The following RBFOX1 variants were observed in gnomAD, a reference collection of about 807,000 sequenced individuals.
RBFOX1 encodes the protein RNA binding protein fox-1 homolog 1.
A neutral mutation model predicts 57.7 loss-of-function variants in RBFOX1; 8 were observed. The ratio of observed to expected loss-of-function variants is 0.14; its 90% CI spans 0.08 to 0.25. The LOEUF (loss-of-function observed/expected upper bound fraction) is 0.25. Ranked by LOEUF, RBFOX1 falls within the 10% of genes least tolerant of loss-of-function variation. The pLI, the probability that RBFOX1 is intolerant of heterozygous loss-of-function variation, is 1.00. For synonymous variants in RBFOX1, 326 were observed against 222.4 expected (o/e 1.47, Z -4.15); for missense variants, 611 against 548.5 (o/e 1.11, Z -1.14).
chr16:6,991,240 C>T (rs968458628), intron 3 of RBFOX1, among the ~76,000 whole-genome samples: 2 of 151,112 alleles, frequency 1.3e-5, no homozygotes, highest in Non-Finnish European at 2.9e-5. Flanking sequence ...GCAGAGGTTG[C>T]AGTGAGTTGA....
At chr16:6,106,148 CTTCT>C (rs2096375621) in intron 1 of RBFOX1, among the ~76,000 whole-genome samples, 1 of 152,090 alleles carries the variant, frequency 6.6e-6, no homozygotes, top group African/African-American at 2.4e-5. Context: ...TCTGTATTGA[CTTCT>C]TTATCAAGAA....
chr16:5,592,863 G>T (rs536756694), intron 2 of RBFOX1, among the ~76,000 whole-genome samples: 1 of 152,262 alleles, frequency 6.6e-6, no homozygotes, highest in African/African-American at 2.4e-5. Context: ...ACACTTTAGG[G>T]TTCCGTGGGC....
intron 5 of RBFOX1, among the ~76,000 whole-genome samples, chr16:7,553,614 T>C (rs551476876): frequency 6.6e-6 from 1 of 152,194 alleles, no homozygotes; most frequent in African/African-American, 2.4e-5. Context: ...GATCTGCAAG[T>C]GGCCAGTGCA....
chr16:7,528,163 G>T (rs1318287887), intron 5 of RBFOX1, among the ~76,000 whole-genome samples: 1 of 152,166 alleles, frequency 6.6e-6, no homozygotes, highest in South Asian at 2.1e-4. Flanking sequence ...ATATTCTAAG[G>T]GTTTGATTTA....
intron 4 of RBFOX1, among the ~76,000 whole-genome samples, chr16:7,492,598 C>A (rs905163039): frequency 2.0e-5 from 3 of 152,192 alleles, no homozygotes; most frequent in Non-Finnish European, 4.4e-5. Flanking sequence ...ATCTAAATCT[C>A]ATGTCAAATT....
At chr16:6,182,585 C>A (rs528844353) in intron 1 of RBFOX1, among the ~76,000 whole-genome samples, 13 of 151,952 alleles carry the variant, frequency 8.6e-5, no homozygotes, top group Admixed American at 5.2e-4. Flanking sequence ...ATTTACTTAC[C>A]CCTTCCTCCT....
chr16:6,022,722 T>A (rs2152359407), intron 1 of RBFOX1, among the ~76,000 whole-genome samples: 1 of 152,168 alleles, frequency 6.6e-6, no homozygotes, highest in Non-Finnish European at 1.5e-5. Context: ...AAAAAACAAT[T>A]TGTGATAGTA....
At chr16:7,268,895 A>G (rs1486788895) in intron 4 of RBFOX1, among the ~76,000 whole-genome samples, 1 of 151,738 alleles carries the variant, frequency 6.6e-6, no homozygotes, top group Admixed American at 6.6e-5. Context: ...AAATTAGCCA[A>G]GCGTGGTGGC....
intron 7 of RBFOX1, among the ~76,000 whole-genome samples, chr16:7,590,821 TG>T (rs1199806112): frequency 6.8e-5 from 10 of 147,074 alleles, no homozygotes; most frequent in African/African-American, 2.5e-4. Context: ...ATCAAGACAT[TG>T]CATTCCAGCC....
chr16:5,553,606 C>T (rs9923498), intron 2 of RBFOX1, among the ~76,000 whole-genome samples: 47,287 of 150,956 alleles, frequency 0.31, 8,409 homozygotes, highest in East Asian at 0.73. Context: ...TGAGCCACCA[C>T]GCCCAGCCAT....
chr16:7,155,404 C>T (rs973754340), intron 4 of RBFOX1, among the ~76,000 whole-genome samples: 69 of 151,704 alleles, frequency 4.5e-4, no homozygotes, highest in African/African-American at 1.6e-3. Flanking sequence ...GCCTGGGATA[C>T]ATGGAAAAAC....
intron 2 of RBFOX1, among the ~76,000 whole-genome samples, chr16:6,363,365 G>A (rs1053640812): frequency 1.3e-5 from 2 of 152,162 alleles, no homozygotes; most frequent in African/African-American, 2.4e-5. Flanking sequence ...AACAGACTAG[G>A]CACCATACCC....
chr16:6,701,442 A>G (rs1603443582), intron 3 of RBFOX1, among the ~76,000 whole-genome samples: 1 of 152,302 alleles, frequency 6.6e-6, no homozygotes, highest in African/African-American at 2.4e-5. Flanking sequence ...AATACCTGAG[A>G]TTGCATAATT....
At chr16:7,428,623 G>A (rs556990414) in intron 4 of RBFOX1, among the ~76,000 whole-genome samples, 2 of 150,952 alleles carry the variant, frequency 1.3e-5, no homozygotes, top group Non-Finnish European at 2.9e-5. Context: ...CACCTGCCTT[G>A]GCCTCCCATA....
chr16:6,553,366 T>C (rs2097027984), intron 2 of RBFOX1, among the ~76,000 whole-genome samples: 1 of 152,218 alleles, frequency 6.6e-6, no homozygotes, highest in African/African-American at 2.4e-5. Context: ...GTGTGGAGTG[T>C]ATAGGACTAT....
intron 3 of RBFOX1, among the ~76,000 whole-genome samples, chr16:7,030,537 C>G (rs916208302): frequency 1.7e-4 from 26 of 152,178 alleles, no homozygotes; most frequent in Admixed American, 1.6e-3. Flanking sequence ...CCACATCACT[C>G]TAGTCTCTGC....
chr16:5,833,512 A>AAAG (rs1555541040), intron 3 of RBFOX1, among the ~76,000 whole-genome samples: 156 of 151,060 alleles, frequency 1.0e-3, no homozygotes, highest in African/African-American at 3.6e-3. Flanking sequence ...AAAAAAAAAA[A>AAAG]AAAGAAAGAA....
intron 1 of RBFOX1, among the ~76,000 whole-genome samples, chr16:6,298,537 C>G (rs1016771321): frequency 2.6e-5 from 4 of 152,276 alleles, no homozygotes; most frequent in Admixed American, 2.6e-4. Context: ...TTTTCAAATT[C>G]AGTTGAACGC....
At chr16:5,559,841 C>T (rs931108181) in intron 2 of RBFOX1, among the ~76,000 whole-genome samples, 1 of 152,178 alleles carries the variant, frequency 6.6e-6, no homozygotes, top group Non-Finnish European at 1.5e-5. Flanking sequence ...CCCCTGCCTA[C>T]TTCTGCAAGC....
Sources: allele counts gnomAD v4.1 joint callset (sites outside exome capture counted in the v4.1 genomes callset), GRCh38; gene constraint gnomAD v4.1.1; transcripts MANE v1.5; gene names NCBI Gene and HGNC (gene_info 2026-07-23, HGNC 2026-07-21).